Variants in LAMB1 observed in about 807,000 individuals in gnomAD.
LAMB1 encodes laminin subunit beta 1.
In LAMB1, 121 loss-of-function variants were observed where a neutral mutation model predicts 222.3. The ratio of observed to expected loss-of-function variants is 0.54; its 90% CI spans 0.47 to 0.63. LAMB1 has a LOEUF of 0.63. Among genes scored for constraint, LAMB1 ranks in the 30% least tolerant of loss-of-function variants. LAMB1 has a pLI of 0.00. For missense variants in LAMB1, 2,172 were observed against 2,240.8 expected, an observed-to-expected ratio of 0.97 and a Z score of 0.62; for synonymous variants, 794 against 807.2, an observed-to-expected ratio of 0.98 and a Z score of 0.28.
In LAMB1 at chr7:107,990,151, A is replaced by G. The variant is rs193289879; in HGVS notation, c.424-3788T>C. The stretch of plus-strand genomic sequence containing the variant: ...CCTCCCGGGCTCAAGCAATCCTCCA[A>G]CCTCAGCCTCCTGAGTAGCTGGGAC... On this transcript the variant is annotated intron_variant, in intron 5 of 33. Transcript: ENST00000222399. 1.2e-3 allele frequency among the ~76,000 whole-genome samples: 190 copies of G among 152,066 alleles called. 1 individual carries two copies. The highest frequency in any genetic ancestry group is 4.4e-3 in the African/African-American group (184 of 41,454).
intron 19 of LAMB1, 25 bp from the exon 20 acceptor site, chr7:107,959,505 C>T: frequency 6.2e-7 from 1 of 1,613,034 alleles, no homozygotes. Flanking sequence ...AAACAAGGAA[C>T]TGCCTTGAGA....
Position 107,986,088 on chromosome 7 carries a change from A to T in LAMB1, c.613-3T>A. 6.2e-7 allele frequency: 1 copy of T among 1,611,968 alleles called. No individual in the cohort carries two copies. The highest frequency in any genetic ancestry group is 8.5e-7 in the Non-Finnish European group (1 of 1,177,996). On this transcript the variant is annotated splice_region_variant and splice_polypyrimidine_tract_variant and intron_variant, in intron 6 of 33. Coordinates refer to ENST00000222399, the MANE Select transcript of LAMB1 (RefSeq NM_002291.3). The stretch of plus-strand genomic sequence containing the variant: ...GGATCTAAAGCACGAAATATCACCT[A>T]AAAATGGAAACAAGAGTAATTGGTA...
intron 22 of LAMB1, among the ~76,000 whole-genome samples, chr7:107,953,216 G>A (rs902869649): frequency 6.6e-6 from 1 of 152,062 alleles, no homozygotes; most frequent in Non-Finnish European, 1.5e-5. Flanking sequence ...AATTACCTGG[G>A]CATGGTGGGG....
chr7:107,934,836 T>A (rs1374742111), intron 27 of LAMB1, among the ~76,000 whole-genome samples: 1 of 134,940 alleles, frequency 7.4e-6, no homozygotes, highest in South Asian at 2.3e-4. Flanking sequence ...GAGGGTGAGG[T>A]GGGAAGATCG....
chr7:107,947,402 G>A (rs1381059470), intron 24 of LAMB1, among the ~76,000 whole-genome samples: 1 of 152,206 alleles, frequency 6.6e-6, no homozygotes, highest in Non-Finnish European at 1.5e-5. Flanking sequence ...CTGGAGAAAA[G>A]AGCTGATGTT....
In LAMB1 at chr7:107,978,770, T is replaced by A. The variant is rs114790773; in HGVS notation, c.880-603A>T. 7.9e-3 allele frequency among the ~76,000 whole-genome samples: 1,206 copies of A among 152,314 alleles called. 23 individuals carry two copies. Among genetic ancestry groups the A allele is most frequent in the African/African-American group, 0.027 (1,137 of 41,560 alleles). ...TTATGTAAGGAAATATAAGATCTCG[T>A]AAAAGAAATATATTAATTTGCCTGA... On this transcript the variant is annotated intron_variant, in intron 8 of 33. Transcript: ENST00000222399.
At chr7:107,931,577 A>C (rs1395914581) in intron 28 of LAMB1, 77 bp from the exon 29 acceptor site, 2 of 1,340,038 alleles carry the variant, frequency 1.5e-6, no homozygotes, top group African/African-American at 2.9e-5. Context: ...AAATGGCTCA[A>C]AAATGATGTT....
chr7:107,991,323 C>T (rs67796037), intron 5 of LAMB1, among the ~76,000 whole-genome samples: 58,279 of 151,906 alleles, frequency 0.38, 11,552 homozygotes, highest in Middle Eastern at 0.5. Context: ...GTGGCTCATG[C>T]CTCTTTTGTA....
chr7:107,929,357 T>G, intron 30 of LAMB1, 55 bp downstream of exon 30: 1 of 1,542,616 alleles, frequency 6.5e-7, no homozygotes, highest in Non-Finnish European at 8.9e-7. Context: ...GAGATACTTT[T>G]TACTCCATGA....
intron 28 of LAMB1, 171 bp from the exon 29 acceptor site, chr7:107,931,671 A>G (rs2032714786): frequency 3.1e-6 from 2 of 643,956 alleles, no homozygotes; most frequent in Middle Eastern, 3.4e-4. Context: ...GACTGCAAGT[A>G]TTCAGTATAG....
chr7:107,963,617 C>T (rs1198104162), intron 14 of LAMB1, among the ~76,000 whole-genome samples: 1 of 152,136 alleles, frequency 6.6e-6, no homozygotes, highest in Middle Eastern at 3.2e-3. Context: ...TCTTTCATTC[C>T]CTGTATGTAT....
chr7:107,932,446 G>C lies in LAMB1; in HGVS notation c.4189-69C>G, dbSNP rs2032736864. On this transcript the variant is annotated intron_variant, in intron 27 of 33. Coordinates refer to ENST00000222399, the MANE Select transcript of LAMB1 (RefSeq NM_002291.3). Reference sequence around the variant, plus strand: ...TCTGCTGCAGCAAAACAGCTGTGCAGGGCCTGGGTGGCCCCAGAGAATGTG... The same window carrying C: ...TCTGCTGCAGCAAAACAGCTGTGCACGGCCTGGGTGGCCCCAGAGAATGTG... The C allele has an allele frequency of 3.3e-5, 50 of 1,503,364 alleles. 2 individuals carry two copies. The South Asian group carries it at 5.3e-4, about 16-fold the overall frequency. 93.1% of individuals were successfully genotyped at this position (1,503,364 alleles called of 1,614,324 possible).
chr7:107,997,154 T>C (rs902697686), intron 4 of LAMB1, among the ~76,000 whole-genome samples: 5 of 152,184 alleles, frequency 3.3e-5, no homozygotes, highest in African/African-American at 9.7e-5. Flanking sequence ...CTGGGCGTGG[T>C]GGTTCACACC....
intron 13 of LAMB1, among the ~76,000 whole-genome samples, chr7:107,969,436 A>T (rs1015598436): frequency 3.9e-5 from 6 of 151,924 alleles, no homozygotes; most frequent in African/African-American, 1.5e-4. Context: ...CATAAAAAAC[A>T]TCATTCATAA....
chr7:107,953,497 C>G (rs377483914), intron 22 of LAMB1, 33 bp downstream of exon 22: 2 of 1,463,272 alleles, frequency 1.4e-6, no homozygotes, highest in African/African-American at 1.4e-5. Context: ...GGAAGTCATT[C>G]TAAGAAGTGG....
At chr7:107,988,200 A>G (rs901568121) in intron 5 of LAMB1, among the ~76,000 whole-genome samples, 7 of 152,250 alleles carry the variant, frequency 4.6e-5, no homozygotes, top group Non-Finnish European at 1.0e-4. Context: ...GTGAGGAAAG[A>G]AATACAGGCA....
chr7:107,961,191 C>A lies in LAMB1; in HGVS notation c.2109+15G>T. 3 of 1,613,862 alleles carry A rather than the reference C, an allele frequency of 1.9e-6. No homozygotes were observed. The highest frequency in any genetic ancestry group is 2.5e-6 in the Non-Finnish European group (3 of 1,179,960). On this transcript the variant is annotated intron_variant, in intron 17 of 33. Coordinates refer to ENST00000222399, the MANE Select transcript of LAMB1 (RefSeq NM_002291.3). ...CAGGCTTTCCTGCATATGCCAGAAG[C>A]AATCTCGCACTTACAGAATCGATCA... is the stretch of plus-strand genomic sequence containing the variant.
At position 107,940,127 on chromosome 7, in the gene LAMB1, T is replaced by C. The variant is rs148422176; in HGVS notation, c.3623A>G (p.Lys1208Arg). ...HRFLEKAKAL[K>R]ISGVIGPYRE... ...GTAAGGCCCGATCACACCACTGATC[T>C]TCAAGGCCTTGGCTTTCTCCAGGAA... Residue 1208 changes from lysine to arginine, a missense_variant, in exon 25 of 34, where the codon AAG becomes AGG. Physicochemically the swap from Lys to Arg is conservative, Grantham distance 26 (BLOSUM62 2). Transcript: ENST00000222399. The C allele has an allele frequency of 9.4e-5, 151 of 1,614,120 alleles. 1 individual carries two copies. The East Asian group carries it at 3.3e-3, about 35-fold the overall frequency.
chr7:107,966,098 A>T lies in LAMB1; in HGVS notation c.1563-1411T>A, dbSNP rs185441650. 7.4e-4 allele frequency among the ~76,000 whole-genome samples: 113 copies of T among 152,196 alleles called. 1 individual carries two copies. Among genetic ancestry groups the T allele is most frequent in the African/African-American group, 2.7e-3 (112 of 41,542 alleles). On this transcript the variant is annotated intron_variant, in intron 13 of 33. Coordinates refer to ENST00000222399, the MANE Select transcript of LAMB1 (RefSeq NM_002291.3). ...GGGTGACAGAGTGAGACTTCATCTC[A>T]AAATAAATAAATAAATAAATAAAAT...
Sources: allele counts gnomAD v4.1 joint callset (sites outside exome capture counted in the v4.1 genomes callset), GRCh38; gene constraint gnomAD v4.1.1; transcripts MANE v1.5; gene names NCBI Gene and HGNC (gene_info 2026-07-23, HGNC 2026-07-21).